The following ANO3 variants were observed in gnomAD, a reference collection of about 807,000 sequenced individuals.
The protein encoded by ANO3 is anoctamin-3.
ANO3 carries 99 observed loss-of-function variants against 144.8 expected under a neutral mutation model. That is an observed-to-expected ratio of 0.68 (90% CI 0.58 to 0.81). The LOEUF (loss-of-function observed/expected upper bound fraction) is 0.81. Among genes scored for constraint, ANO3 ranks in the 30% least tolerant of loss-of-function variants. ANO3 has a pLI of 0.00. For missense variants in ANO3, 905 were observed against 1,202.2 expected (o/e 0.75, Z 3.66); for synonymous variants, 414 against 392.6 (o/e 1.05, Z -0.64).
intron 4 of ANO3, among the ~76,000 whole-genome samples, chr11:26,501,595 C>T (rs978158399): frequency 6.6e-6 from 1 of 152,072 alleles, no homozygotes; most frequent in Non-Finnish European, 1.5e-5. Context: ...GAATATTCTA[C>T]TTGTACAGAG....
At chr11:26,647,627 A>G (rs1853390632) in intron 23 of ANO3, 82 bp from the exon 24 acceptor site, 1 of 1,369,586 alleles carries the variant, frequency 7.3e-7, no homozygotes. Flanking sequence ...CATAAGTAAA[A>G]CATTATTTCC....
upstream of ANO3, among the ~76,000 whole-genome samples, chr11:26,306,875 C>A (rs1357058135): frequency 8.7e-6 from 1 of 115,364 alleles, no homozygotes; most frequent in African/African-American, 3.8e-5. Flanking sequence ...TTCTAGCCAA[C>A]TGGGTAATTT....
chr11:26,507,358 T>C (rs148441159), intron 4 of ANO3, among the ~76,000 whole-genome samples: 1 of 152,278 alleles, frequency 6.6e-6, no homozygotes, highest in East Asian at 1.9e-4. Flanking sequence ...GGTTGAAAAT[T>C]GGGCAGAGAC....
chr11:26,240,575 T>C (rs1054225411), intron 1 of ANO3, among the ~76,000 whole-genome samples: 10 of 152,218 alleles, frequency 6.6e-5, no homozygotes, highest in East Asian at 1.9e-4. Flanking sequence ...AATATTTTCA[T>C]TGACTTTTTA....
In ANO3 at chr11:26,626,631, C is replaced by T. The variant is rs184141426; in HGVS notation, c.1873+2133C>T. On this transcript the variant is annotated intron_variant, in intron 18 of 26. Transcript: ENST00000256737. ...CAGCAAGTTCTTACTGAGGGGAAAT[C>T]CTAGTGACAAACCTCCACTGCTGCC... Among the ~76,000 whole-genome samples the T allele has an allele frequency of 3.1e-4, 47 of 152,286 alleles. No homozygotes were observed. In the East Asian group the frequency reaches 8.1e-3, roughly 26 times the overall value.
intron 18 of ANO3, among the ~76,000 whole-genome samples, chr11:26,626,461 G>A (rs1479411790): frequency 6.6e-6 from 1 of 152,212 alleles, no homozygotes; most frequent in Non-Finnish European, 1.5e-5. Context: ...GTATAATTGA[G>A]TATAATTGGC....
chr11:26,414,913 G>A (rs534803565), intron 1 of ANO3, among the ~76,000 whole-genome samples: 12 of 151,954 alleles, frequency 7.9e-5, no homozygotes, highest in Admixed American at 5.9e-4. Flanking sequence ...TTTTAATTCC[G>A]AAAAATTGTT....
chr11:26,301,745 T>C (rs1246338674), intron 1 of ANO3, among the ~76,000 whole-genome samples: 1 of 152,210 alleles, frequency 6.6e-6, no homozygotes, highest in Non-Finnish European at 1.5e-5. Flanking sequence ...CCTTCTATGA[T>C]AAAATGTTTT....
intron 14 of ANO3, chr11:26,565,749 T>C (rs1046177090): frequency 5.6e-6 from 9 of 1,606,094 alleles, no homozygotes; most frequent in Non-Finnish European, 7.7e-6. Context: ...TTTAAAAACT[T>C]CTGCAATGTT....
At chr11:26,454,775 G>T (rs1343276411) in intron 3 of ANO3, among the ~76,000 whole-genome samples, 2 of 150,646 alleles carry the variant, frequency 1.3e-5, no homozygotes, top group Non-Finnish European at 3.0e-5. Flanking sequence ...AACAAAAAAA[G>T]AGAATTTTAG....
intron 4 of ANO3, among the ~76,000 whole-genome samples, chr11:26,464,790 C>T (rs971573562): frequency 1.3e-5 from 2 of 151,826 alleles, no homozygotes; most frequent in African/African-American, 4.8e-5. Flanking sequence ...TATACTTCCA[C>T]TCAAACTGTA....
chr11:26,495,443 TA>T (rs1380650195), intron 4 of ANO3, among the ~76,000 whole-genome samples: 21 of 152,058 alleles, frequency 1.4e-4, no homozygotes, highest in African/African-American at 3.9e-4. Context: ...GTAACTCCTG[TA>T]CTGGAAAGAG....
chr11:26,381,979 T>C (rs1026964169), intron 1 of ANO3, among the ~76,000 whole-genome samples: 2 of 152,236 alleles, frequency 1.3e-5, no homozygotes, highest in African/African-American at 4.8e-5. Flanking sequence ...AACTGTATTT[T>C]GAATATAGGA....
At chr11:26,281,925 T>C (rs1416106477) in intron 1 of ANO3, among the ~76,000 whole-genome samples, 1 of 152,186 alleles carries the variant, frequency 6.6e-6, no homozygotes, top group Non-Finnish European at 1.5e-5. Context: ...GACATGCAGT[T>C]CGTCTATACA....
chr11:26,508,058 A>G, intron 4 of ANO3, 46 bp from the exon 5 acceptor site: 4 of 1,530,740 alleles, frequency 2.6e-6, no homozygotes, highest in Middle Eastern at 1.7e-4. Flanking sequence ...TAAAACATAC[A>G]TGCTTGTCTA....
chr11:26,658,292 T>G (rs532765853), intron 26 of ANO3, among the ~76,000 whole-genome samples: 2 of 152,344 alleles, frequency 1.3e-5, no homozygotes, highest in East Asian at 3.9e-4. Context: ...ACTTCTGCAT[T>G]AAGTTCTAAT....
intron 1 of ANO3, among the ~76,000 whole-genome samples, chr11:26,339,306 C>T (rs1369317567): frequency 6.6e-6 from 1 of 152,124 alleles, no homozygotes; most frequent in Admixed American, 6.5e-5. Flanking sequence ...AGGCCCCCGC[C>T]ACCATGCCCG....
intron 1 of ANO3, among the ~76,000 whole-genome samples, chr11:26,394,789 T>C (rs867828404): frequency 1.5e-4 from 23 of 152,112 alleles, no homozygotes; most frequent in Admixed American, 2.6e-4. Context: ...TTGGCCAGGC[T>C]GGTCTTGAAC....
At chr11:26,550,748 C>CAT (rs1849912153) in intron 12 of ANO3, among the ~76,000 whole-genome samples, 2 of 151,910 alleles carry the variant, frequency 1.3e-5, no homozygotes, top group Admixed American at 1.3e-4. Context: ...GCAGACAGCA[C>CAT]TTCCAGATCA....
Sources: allele counts gnomAD v4.1 joint callset (sites outside exome capture counted in the v4.1 genomes callset), GRCh38; gene constraint gnomAD v4.1.1; transcripts MANE v1.5; gene names NCBI Gene and HGNC (gene_info 2026-07-23, HGNC 2026-07-21).